The following HDAC8 variants were observed in gnomAD, a reference collection of about 807,000 sequenced individuals.
HDAC8 encodes the protein histone deacetylase 8.
Under a neutral mutation model 32.2 loss-of-function variants are expected in HDAC8, and 1 was observed. That is an observed-to-expected ratio of 0.03 (90% CI 0.01 to 0.15). The LOEUF (loss-of-function observed/expected upper bound fraction) is 0.15, where lower values mean the gene tolerates loss of function less well. HDAC8 is among the 10% of genes least tolerant of loss of function. HDAC8 has a pLI of 1.00. For missense variants in HDAC8, 117 were observed against 300.0 expected (o/e 0.39, Z 4.51); for synonymous variants, 108 against 113.9 (o/e 0.95, Z 0.33).
At chrX:72,558,109 AC>A (rs782808248) in intron 4 of HDAC8, among the ~76,000 whole-genome samples, 8 of 112,106 alleles carry the variant, frequency 7.1e-5, no homozygotes, top group Non-Finnish European at 1.3e-4. Flanking sequence ...AAAAATGCCA[AC>A]AAAAAAGTGC....
chrX:72,536,666 T>C (rs2050536526), intron 4 of HDAC8, among the ~76,000 whole-genome samples: 1 of 111,952 alleles, frequency 8.9e-6, no homozygotes, highest in Non-Finnish European at 1.9e-5. Context: ...CCACTTGACA[T>C]TTATAGTCCA....
At position 72,476,983 on chromosome X, in the gene HDAC8, A is replaced by T. The variant is rs149814351; in HGVS notation, c.737+11950T>A. Among the ~76,000 whole-genome samples the T allele has an allele frequency of 5.7e-4, 64 of 112,001 alleles. No homozygotes were observed. In the East Asian group the frequency reaches 0.017, roughly 29 times the overall value. ...AGTAATTCATTTTCCAGTGCTGTCAATCTATTACCTTTCACCAAACACAAA... is the reference window on the plus strand; with the variant it reads ...AGTAATTCATTTTCCAGTGCTGTCATTCTATTACCTTTCACCAAACACAAA... On this transcript the variant is annotated intron_variant, in intron 7 of 10. Transcript: ENST00000373573.
At position 72,329,879 on chromosome X, in the gene HDAC8, T is replaced by C. The variant is rs369921873; in HGVS notation, c.*175A>G. ...GTCCAGTTGAGGACTCTGGGGTGCC[T>C]GCCTCTTCACCCCAGGAAGCCAGCT... On this transcript the variant is annotated 3_prime_UTR_variant, in exon 11 of 11. Coordinates refer to ENST00000373573, the MANE Select transcript of HDAC8 (RefSeq NM_018486.3). 2.5e-6 allele frequency: 2 copies of C among 796,902 alleles called. No homozygotes were observed. Among genetic ancestry groups the C allele is most frequent in the South Asian group, 5.2e-5 (2 of 38,255 alleles). 65.7% of individuals were successfully genotyped at this position (796,902 alleles called of 1,213,427 possible).
chrX:72,387,693 A>C (rs955555937), intron 9 of HDAC8, among the ~76,000 whole-genome samples: 13 of 112,073 alleles, frequency 1.2e-4, no homozygotes, highest in African/African-American at 4.2e-4. Flanking sequence ...TAAAGCACTT[A>C]AAACAGTGCC....
chrX:72,550,610 C>T (rs1556067909), intron 4 of HDAC8, among the ~76,000 whole-genome samples: 1 of 110,763 alleles, frequency 9.0e-6, no homozygotes, highest in Admixed American at 9.7e-5. Flanking sequence ...AAAGAAAGCT[C>T]ATTGTAGCCC....
chrX:72,506,368 G>T (rs2148180162), intron 4 of HDAC8, among the ~76,000 whole-genome samples: 1 of 111,801 alleles, frequency 8.9e-6, no homozygotes, highest in South Asian at 3.8e-4. Flanking sequence ...CATCTGGTAA[G>T]GGCCTCCCTC....
intron 6 of HDAC8, among the ~76,000 whole-genome samples, chrX:72,490,280 G>A (rs1191817831): frequency 1.8e-5 from 2 of 110,583 alleles, no homozygotes; most frequent in African/African-American, 6.6e-5. Flanking sequence ...TATAAATCAC[G>A]CTGCTATAAA....
chrX:72,347,931 T>C (rs1439905645), intron 10 of HDAC8, among the ~76,000 whole-genome samples: 1 of 111,836 alleles, frequency 8.9e-6, no homozygotes, highest in African/African-American at 3.2e-5. Context: ...GAATGGACTC[T>C]CCATGGTTTT....
chrX:72,356,393 G>T (rs1555950794), intron 9 of HDAC8, among the ~76,000 whole-genome samples: 1 of 111,514 alleles, frequency 9.0e-6, no homozygotes, highest in African/African-American at 3.3e-5. Flanking sequence ...GGCTAGGGAG[G>T]CAGGCATGCA....
At chrX:72,398,845 G>A (rs868991019) in intron 9 of HDAC8, among the ~76,000 whole-genome samples, 59 of 97,734 alleles carry the variant, frequency 6.0e-4, no homozygotes, top group African/African-American at 2.1e-3. Context: ...GGTACTTTAT[G>A]TTTTTTTTTT....
At position 72,521,413 on chromosome X, in the gene HDAC8, T is replaced by C. The variant is rs1248091181; in HGVS notation, c.438-26145A>G. On this transcript the variant is annotated intron_variant, in intron 4 of 10. Coordinates refer to ENST00000373573, the MANE Select transcript of HDAC8 (RefSeq NM_018486.3). ...GTTGGTCTACAGAAAAGGCAAGCAA[T>C]GCATGCCAGTGGCAATGAGCATACC... Among the ~76,000 whole-genome samples the C allele has an allele frequency of 2.7e-5, 3 of 111,404 alleles. No individual in the cohort carries two copies. The Admixed American group carries it at 2.9e-4, about 11-fold the overall frequency.
intron 9 of HDAC8, among the ~76,000 whole-genome samples, chrX:72,355,072 C>T (rs782359800): frequency 9.4e-4 from 106 of 112,231 alleles, no homozygotes; most frequent in African/African-American, 1.8e-3. Flanking sequence ...TGTCCCTCCC[C>T]GCTTGCTTAA....
At chrX:72,448,150 A>C (rs2047466343) in intron 9 of HDAC8, among the ~76,000 whole-genome samples, 1 of 111,954 alleles carries the variant, frequency 8.9e-6, no homozygotes, top group African/African-American at 3.2e-5. Flanking sequence ...AAAAAGAACA[A>C]AGCTGGAGGC....
intron 10 of HDAC8, among the ~76,000 whole-genome samples, chrX:72,347,571 G>A (rs782251141): frequency 8.9e-5 from 10 of 111,780 alleles, no homozygotes; most frequent in East Asian, 2.8e-4. Context: ...CACTTGATTC[G>A]AATGTCATCA....
chrX:72,358,586 T>C (rs1273105166), intron 9 of HDAC8, among the ~76,000 whole-genome samples: 6 of 111,756 alleles, frequency 5.4e-5, no homozygotes, highest in Non-Finnish European at 1.1e-4. Flanking sequence ...TTCGGAACAG[T>C]ATGCAATTTA....
chrX:72,538,317 G>T (rs1362801540), intron 4 of HDAC8, among the ~76,000 whole-genome samples: 2 of 109,454 alleles, frequency 1.8e-5, no homozygotes, highest in Non-Finnish European at 3.8e-5. Flanking sequence ...CCGAGTAGCT[G>T]GGATTACAGG....
At chrX:72,402,213 G>A (rs1555967599) in intron 9 of HDAC8, among the ~76,000 whole-genome samples, 2 of 110,566 alleles carry the variant, frequency 1.8e-5, no homozygotes, top group Non-Finnish European at 3.8e-5. Context: ...TTTCATTTCT[G>A]ATTTTAGCAA....
At chrX:72,537,347 C>G (rs2050564571) in intron 4 of HDAC8, among the ~76,000 whole-genome samples, 1 of 112,095 alleles carries the variant, frequency 8.9e-6, no homozygotes, top group African/African-American at 3.2e-5. Context: ...CTGAACAGTT[C>G]TAAAAGTTTC....
intron 9 of HDAC8, among the ~76,000 whole-genome samples, chrX:72,444,090 T>C (rs548299321): frequency 1.8e-5 from 2 of 109,753 alleles, no homozygotes; most frequent in East Asian, 2.9e-4. Context: ...GATTCACAGC[T>C]GAATTCCACC....
Sources: gnomAD v4.1 joint callset for allele counts (sites outside exome capture counted in the v4.1 genomes callset) on GRCh38, gnomAD v4.1.1 for gene constraint, MANE v1.5 for transcripts, NCBI Gene and HGNC (gene_info 2026-07-23, HGNC 2026-07-21) for gene names.